The following SLC15A5 variants were observed in gnomAD, a reference collection of about 807,000 sequenced individuals.
SLC15A5 encodes Peptide/histidine transporter ENSP00000340402.
Under a neutral mutation model 56.1 loss-of-function variants are expected in SLC15A5, and 58 were observed. The observed-to-expected ratio is 1.03, with a 90% CI of 0.84 to 1.29. The LOEUF is 1.29. SLC15A5 is among the 50% of genes most tolerant of loss of function. The pLI is 0.00. For synonymous variants in SLC15A5, 264 were observed against 250.5 expected, an observed-to-expected ratio of 1.05 and a Z score of -0.51; for missense variants, 681 against 672.1, an observed-to-expected ratio of 1.01 and a Z score of -0.15.
At chr12:16,260,900 T>C (rs1421114704) in intron 2 of SLC15A5, among the ~76,000 whole-genome samples, 1 of 152,170 alleles carries the variant, frequency 6.6e-6, no homozygotes, top group African/African-American at 2.4e-5. Context: ...ATTGAGAAGA[T>C]GATCTTTTCC....
At chr12:16,215,778 G>T (rs1056313700) in intron 7 of SLC15A5, among the ~76,000 whole-genome samples, 1 of 152,180 alleles carries the variant, frequency 6.6e-6, no homozygotes, top group African/African-American at 2.4e-5. Flanking sequence ...CGTCAGTCAA[G>T]GATTAGTAGG....
chr12:16,222,517 A>T (rs1864198260), intron 6 of SLC15A5, among the ~76,000 whole-genome samples: 2 of 152,188 alleles, frequency 1.3e-5, no homozygotes, highest in Admixed American at 1.3e-4. Context: ...TGAGGATTGG[A>T]GGTTAAATGA....
intron 3 of SLC15A5, among the ~76,000 whole-genome samples, chr12:16,256,854 G>A (rs984794074): frequency 1.6e-3 from 143 of 91,664 alleles, no homozygotes; most frequent in African/African-American, 8.3e-3. Context: ...GAGAGGCTCC[G>A]TCTCAAAAAA....
At chr12:16,274,953 TG>T (rs1864800626) in intron 1 of SLC15A5, among the ~76,000 whole-genome samples, 1 of 152,056 alleles carries the variant, frequency 6.6e-6, no homozygotes, top group East Asian at 1.9e-4. Context: ...TCCTCTGTGA[TG>T]TGTGCAATTG....
At chr12:16,254,956 ATAT>A (rs1864554725) in intron 3 of SLC15A5, among the ~76,000 whole-genome samples, 2 of 152,152 alleles carry the variant, frequency 1.3e-5, no homozygotes, top group Non-Finnish European at 2.9e-5. Flanking sequence ...TAACAATAAA[ATAT>A]TATATAGTTT....
At chr12:16,252,594 G>A (rs1220048742) in intron 3 of SLC15A5, among the ~76,000 whole-genome samples, 3 of 151,884 alleles carry the variant, frequency 2.0e-5, no homozygotes, top group East Asian at 1.9e-4. Flanking sequence ...TAAACTTAAC[G>A]AAGAAGGTGA....
In SLC15A5 at chr12:16,253,100, A is replaced by T. The variant is rs148229751; in HGVS notation, c.754+4601T>A. ...TCGGATATCCACATGCAAAAGAATG[A>T]AGTTGGATCCTTGCTTTAGACCATG... On this transcript the variant is annotated intron_variant, in intron 3 of 8. Transcript: ENST00000344941. 1.3e-3 allele frequency among the ~76,000 whole-genome samples: 192 copies of T among 152,254 alleles called. 1 individual carries two copies. Among genetic ancestry groups the T allele is most frequent in the Non-Finnish European group, 2.3e-3 (158 of 67,996 alleles).
chr12:16,214,716 T>C (rs965194750), intron 7 of SLC15A5, among the ~76,000 whole-genome samples: 4 of 152,196 alleles, frequency 2.6e-5, no homozygotes, highest in Non-Finnish European at 4.4e-5. Context: ...TCTTGTTCCA[T>C]GTGCCTCTTC....
intron 7 of SLC15A5, among the ~76,000 whole-genome samples, chr12:16,199,245 C>T (rs1335670315): frequency 6.7e-6 from 1 of 148,870 alleles, no homozygotes; most frequent in Admixed American, 6.8e-5. Flanking sequence ...ATTTTCCTTT[C>T]CCAGGCTGTG....
At chr12:16,201,460 G>T (rs1019492294) in intron 7 of SLC15A5, among the ~76,000 whole-genome samples, 1 of 152,082 alleles carries the variant, frequency 6.6e-6, no homozygotes, top group Non-Finnish European at 1.5e-5. Flanking sequence ...TTTGACAAAG[G>T]TGCCAAGAAC....
chr12:16,250,475 G>A (rs1230727062), intron 3 of SLC15A5, among the ~76,000 whole-genome samples: 1 of 151,946 alleles, frequency 6.6e-6, no homozygotes, highest in African/African-American at 2.4e-5. Context: ...ATTGGTAGTA[G>A]CTGTATAGAG....
At chr12:16,241,661 C>A (rs145717495) in intron 4 of SLC15A5, among the ~76,000 whole-genome samples, 1 of 152,106 alleles carries the variant, frequency 6.6e-6, no homozygotes, top group Non-Finnish European at 1.5e-5. Flanking sequence ...GATCCCCCAT[C>A]GGAGGAAAAT....
intron 6 of SLC15A5, among the ~76,000 whole-genome samples, chr12:16,222,975 T>G (rs929480266): frequency 6.6e-6 from 1 of 152,162 alleles, no homozygotes; most frequent in African/African-American, 2.4e-5. Flanking sequence ...GTTTAAAATC[T>G]CATAAAGTAA....
rs1591662261 is a variant in SLC15A5 at position 16,269,258 on chromosome 12, G to T, written c.584+3303C>A. Reference sequence around the variant, plus strand: ...AAAATTCTGATCCAGGAGGTTCGAGGTGGGACCTGGGAAACATTTTCAACA... The same window carrying T: ...AAAATTCTGATCCAGGAGGTTCGAGTTGGGACCTGGGAAACATTTTCAACA... On this transcript the variant is annotated intron_variant, in intron 2 of 8. Coordinates refer to ENST00000344941, the MANE Select transcript of SLC15A5 (RefSeq NM_001170798.1). The surrounding 1 kb of genome is among the most constrained non-coding windows in gnomAD (Gnocchi z 4.7). Among the ~76,000 whole-genome samples, 1 of 152,298 alleles carries T rather than the reference G, an allele frequency of 6.6e-6. No homozygotes were observed. The highest frequency in any genetic ancestry group is 1.9e-4 in the East Asian group (1 of 5,190).
At chr12:16,230,181 G>A (rs954197462) in intron 5 of SLC15A5, among the ~76,000 whole-genome samples, 14 of 152,246 alleles carry the variant, frequency 9.2e-5, no homozygotes, top group South Asian at 2.1e-4. Flanking sequence ...TTTAGAATAC[G>A]GAGAATATTG....
At chr12:16,252,089 A>G (rs1864524812) in intron 3 of SLC15A5, among the ~76,000 whole-genome samples, 1 of 152,096 alleles carries the variant, frequency 6.6e-6, no homozygotes, top group African/African-American at 2.4e-5. Context: ...GATGCAGGAA[A>G]AACATTTGAG....
intron 7 of SLC15A5, among the ~76,000 whole-genome samples, chr12:16,200,031 CAGTT>C (rs1294961159): frequency 9.2e-5 from 14 of 151,964 alleles, no homozygotes; most frequent in Admixed American, 6.6e-5. Context: ...CATACACTCT[CAGTT>C]AGTAAACACT....
At chr12:16,258,068 T>A (rs1267996780) in intron 2 of SLC15A5, among the ~76,000 whole-genome samples, 198 bp from the exon 3 acceptor site, 1 of 152,216 alleles carries the variant, frequency 6.6e-6, no homozygotes, top group Non-Finnish European at 1.5e-5. Flanking sequence ...TATCTTTGTT[T>A]TATCCTTGTT....
chr12:16,191,215 A>T (rs1335458153), intron 8 of SLC15A5, among the ~76,000 whole-genome samples: 1 of 152,092 alleles, frequency 6.6e-6, no homozygotes, highest in East Asian at 1.9e-4. Context: ...TCCTAGCTTT[A>T]TGCAGCTGGG....
Sources: gnomAD v4.1 joint callset for allele counts (sites outside exome capture counted in the v4.1 genomes callset) on GRCh38, gnomAD v4.1.1 for gene constraint, Gnocchi (gnomAD v3.1) non-coding constraint, MANE v1.5 for transcripts, NCBI Gene and HGNC (gene_info 2026-07-23, HGNC 2026-07-21) for gene names.